Variants in PDE7B observed in about 807,000 individuals in gnomAD.
PDE7B encodes phosphodiesterase 7B, also known as 3',5'-cyclic-AMP phosphodiesterase 7B.
In PDE7B, 29 loss-of-function variants were observed where a neutral mutation model predicts 56.2. That is an observed-to-expected ratio of 0.52 (90% CI 0.38 to 0.70). The LOEUF (loss-of-function observed/expected upper bound fraction) is 0.70. PDE7B is among the 30% of genes least tolerant of loss of function. PDE7B has a pLI of 0.00. For synonymous variants in PDE7B, 197 were observed against 196.9 expected (o/e 1.00, Z 0.00); for missense variants, 490 against 565.0 (o/e 0.87, Z 1.35).
At chr6:135,856,758 A>T (rs1173248152) in intron 1 of PDE7B, among the ~76,000 whole-genome samples, 1 of 152,200 alleles carries the variant, frequency 6.6e-6, no homozygotes, top group Non-Finnish European at 1.5e-5. Context: ...GTAACAGAAA[A>T]CACACAGACA....
At chr6:136,098,958 A>G (rs1226540413) in intron 2 of PDE7B, among the ~76,000 whole-genome samples, 4 of 108,386 alleles carry the variant, frequency 3.7e-5, no homozygotes, top group Non-Finnish European at 6.8e-5. Flanking sequence ...TCAGTGTGTG[A>G]TGTTCCCCTC....
In PDE7B at chr6:136,074,073, A is replaced by T. The variant is rs575368261; in HGVS notation, c.83-34658A>T. On this transcript the variant is annotated intron_variant, in intron 2 of 12. Transcript: ENST00000308191. ...CCTGTCTGTACTAAAAATACAAAAAAATGAACTGGGCACGGTGGCACACAC... is the reference window on the plus strand; with the variant it reads ...CCTGTCTGTACTAAAAATACAAAAATATGAACTGGGCACGGTGGCACACAC... Among the ~76,000 whole-genome samples, 7 of 152,224 alleles carry T rather than the reference A, an allele frequency of 4.6e-5. No homozygotes were observed. The South Asian group carries it at 1.5e-3, about 32-fold the overall frequency.
chr6:136,103,327 T>C (rs1328588323), intron 2 of PDE7B, among the ~76,000 whole-genome samples: 1 of 152,218 alleles, frequency 6.6e-6, no homozygotes, highest in Admixed American at 6.5e-5. Flanking sequence ...CTAAGTTATC[T>C]GAACTGGCTG....
chr6:136,143,236 C>T (rs900143283), intron 3 of PDE7B, among the ~76,000 whole-genome samples: 2 of 151,944 alleles, frequency 1.3e-5, no homozygotes, highest in African/African-American at 4.8e-5. Context: ...GTTTCAAAGA[C>T]TGGCCCAATA....
intron 2 of PDE7B, among the ~76,000 whole-genome samples, chr6:136,102,799 C>A (rs1777585276): frequency 6.6e-6 from 1 of 152,162 alleles, no homozygotes; most frequent in Admixed American, 6.5e-5. Flanking sequence ...GCCTTACCTT[C>A]TTTAGAAAAC....
At chr6:136,117,611 G>C (rs1777861423) in intron 3 of PDE7B, among the ~76,000 whole-genome samples, 1 of 152,182 alleles carries the variant, frequency 6.6e-6, no homozygotes, top group Non-Finnish European at 1.5e-5. Flanking sequence ...CAGAAGTTAT[G>C]GAGGAAAGTC....
chr6:136,167,504 G>T (rs1015152812), intron 8 of PDE7B, among the ~76,000 whole-genome samples: 1 of 152,140 alleles, frequency 6.6e-6, no homozygotes, highest in Non-Finnish European at 1.5e-5. Context: ...CATGTAAGAT[G>T]TGACTTGCTC....
intron 1 of PDE7B, among the ~76,000 whole-genome samples, chr6:135,918,665 C>G (rs1197834445): frequency 6.6e-6 from 1 of 151,934 alleles, no homozygotes; most frequent in South Asian, 2.1e-4. Flanking sequence ...TTTGGAATTT[C>G]AATTTTATTT....
chr6:136,161,498 T>G (rs1778703622), intron 8 of PDE7B, among the ~76,000 whole-genome samples: 1 of 152,244 alleles, frequency 6.6e-6, no homozygotes, highest in African/African-American at 2.4e-5. Context: ...TAAAAATTCT[T>G]GGAATGATCT....
intron 12 of PDE7B, among the ~76,000 whole-genome samples, chr6:136,190,629 G>C (rs140773463): frequency 6.6e-6 from 1 of 152,112 alleles, no homozygotes; most frequent in Non-Finnish European, 1.5e-5. Context: ...TAGACTGAAA[G>C]CTATCTTTTC....
intron 1 of PDE7B, among the ~76,000 whole-genome samples, chr6:135,917,339 C>T (rs565738836): frequency 2.0e-5 from 3 of 151,974 alleles, no homozygotes; most frequent in Non-Finnish European, 4.4e-5. Context: ...AAATTTTCCA[C>T]GTCACTTATT....
chr6:135,986,326 G>A (rs1775375749), intron 2 of PDE7B, among the ~76,000 whole-genome samples: 1 of 152,124 alleles, frequency 6.6e-6, no homozygotes, highest in Admixed American at 6.6e-5. Context: ...AAGCAAAAAT[G>A]CTCTTTCTGT....
At chr6:135,943,258 A>G (rs547423608) in intron 1 of PDE7B, among the ~76,000 whole-genome samples, 1 of 152,328 alleles carries the variant, frequency 6.6e-6, no homozygotes, top group Admixed American at 6.5e-5. Context: ...TGTGATGTAG[A>G]TTATATTACC....
intron 1 of PDE7B, among the ~76,000 whole-genome samples, chr6:135,905,410 T>C (rs1776081746): frequency 6.6e-6 from 1 of 151,380 alleles, no homozygotes; most frequent in African/African-American, 2.4e-5. Context: ...ATAAGAAAAT[T>C]GAGCAGGAGG....
intron 1 of PDE7B, among the ~76,000 whole-genome samples, chr6:135,924,267 AATTT>A (rs1480027542): frequency 4.6e-5 from 7 of 152,234 alleles, no homozygotes; most frequent in Admixed American, 6.5e-5. Context: ...AATTGGAAAC[AATTT>A]AATTGTTCTG....
chr6:136,144,140 T>C (rs1778375594), intron 3 of PDE7B, among the ~76,000 whole-genome samples: 1 of 152,120 alleles, frequency 6.6e-6, no homozygotes, highest in Admixed American at 6.6e-5. Context: ...ACTACATTTC[T>C]TTACTTTCCT....
chr6:136,148,925 T>C (rs1778465673), intron 4 of PDE7B, among the ~76,000 whole-genome samples, 162 bp from the exon 5 acceptor site: 1 of 152,208 alleles, frequency 6.6e-6, no homozygotes, highest in Non-Finnish European at 1.5e-5. Context: ...CGCTGAGGCA[T>C]TTGGATTTTA....
At chr6:135,974,920 C>G (rs1261417257) in intron 2 of PDE7B, among the ~76,000 whole-genome samples, 3 of 152,146 alleles carry the variant, frequency 2.0e-5, no homozygotes. Flanking sequence ...AAACTCCTCT[C>G]TGGAGCTTCT....
At chr6:135,866,226 T>C (rs1276607548) in intron 1 of PDE7B, among the ~76,000 whole-genome samples, 3 of 152,286 alleles carry the variant, frequency 2.0e-5, no homozygotes, top group South Asian at 4.1e-4. Flanking sequence ...AATTTTTTAA[T>C]ATATTCATAA....
Sources: gnomAD v4.1 joint callset for allele counts (sites outside exome capture counted in the v4.1 genomes callset) on GRCh38, gnomAD v4.1.1 for gene constraint, MANE v1.5 for transcripts, NCBI Gene and HGNC (gene_info 2026-07-23, HGNC 2026-07-21) for gene names.